The following SCG3 variants were observed in gnomAD, a reference collection of about 807,000 sequenced individuals.
SCG3 encodes secretogranin-3.
SCG3 carries 38 observed loss-of-function variants against 56.2 expected under a neutral mutation model. The observed-to-expected ratio is 0.68, with a 90% CI of 0.52 to 0.89. The LOEUF is 0.89. SCG3 is among the 40% of genes least tolerant of loss of function. The probability of loss-of-function intolerance (pLI) is 0.00; values close to 1 mark genes in which losing one functional copy is unlikely to be tolerated. For synonymous variants in SCG3, 176 were observed against 184.2 expected, an observed-to-expected ratio of 0.96 and a Z score of 0.36; for missense variants, 524 against 540.7, an observed-to-expected ratio of 0.97 and a Z score of 0.31.
intron 4 of SCG3, among the ~76,000 whole-genome samples, chr15:51,687,601 A>T (rs1489102081): frequency 1.3e-5 from 2 of 152,242 alleles, no homozygotes; most frequent in African/African-American, 4.8e-5. Flanking sequence ...GCCATATTTT[A>T]AAAGTTTAAA....
chr15:51,689,483 G>A (rs967372596), intron 6 of SCG3, 115 bp downstream of exon 6: 11 of 1,319,712 alleles, frequency 8.3e-6, no homozygotes, highest in African/African-American at 1.5e-5. Flanking sequence ...AAGATTTGAG[G>A]TATGTGGCAT....
chr15:51,686,192 A>G (rs1171499121), intron 4 of SCG3, among the ~76,000 whole-genome samples: 2 of 152,168 alleles, frequency 1.3e-5, no homozygotes, highest in Non-Finnish European at 2.9e-5. Context: ...ATACCCCTTC[A>G]TGAGCAGGAG....
intron 10 of SCG3, among the ~76,000 whole-genome samples, chr15:51,702,308 G>A (rs1308914516): frequency 6.6e-6 from 1 of 152,002 alleles, no homozygotes; most frequent in Non-Finnish European, 1.5e-5. Context: ...CCAGGCTAGA[G>A]TACAGTGGCA....
At chr15:51,694,629 G>A (rs766937424) in intron 7 of SCG3, among the ~76,000 whole-genome samples, 1 of 152,144 alleles carries the variant, frequency 6.6e-6, no homozygotes, top group Non-Finnish European at 1.5e-5. Flanking sequence ...TTCAAAAATG[G>A]AAACAGATTT....
At position 51,681,842 on chromosome 15, in the gene SCG3, G is replaced by A. The variant is rs1450792833; in HGVS notation, c.82+5G>A. The A allele has an allele frequency of 3.1e-6, 5 of 1,612,392 alleles. No homozygotes were observed. The highest frequency in any genetic ancestry group is 3.4e-6 in the Non-Finnish European group (4 of 1,178,502). On this transcript the variant is annotated splice_donor_5th_base_variant and intron_variant, in intron 1 of 11. Transcript: ENST00000220478. Reference sequence around the variant, plus strand: ...CCAAACCTGGAGGAAGCCAAGGTATGTGAACACTTTTCTTCTTCCTACCTT... The same window carrying A: ...CCAAACCTGGAGGAAGCCAAGGTATATGAACACTTTTCTTCTTCCTACCTT...
chr15:51,691,749 A>G (rs890146766), intron 6 of SCG3, among the ~76,000 whole-genome samples: 1 of 152,168 alleles, frequency 6.6e-6, no homozygotes, highest in Non-Finnish European at 1.5e-5. Flanking sequence ...CTAGGGATAG[A>G]CATTCTAACA....
intron 5 of SCG3, 30 bp downstream of exon 5, chr15:51,688,432 T>C: frequency 1.2e-6 from 2 of 1,606,500 alleles, no homozygotes; most frequent in Admixed American, 1.7e-5. Flanking sequence ...ATAAACCAAA[T>C]TCCTAGTGCA....
rs1219548187 is a variant in SCG3, at chr15:51,704,608, G to A, written c.1207+3364G>A. Among the ~76,000 whole-genome samples the A allele has an allele frequency of 2.7e-5, 4 of 150,896 alleles. No homozygotes were observed. The East Asian group carries it at 7.8e-4, about 29-fold the overall frequency. On this transcript the variant is annotated intron_variant, in intron 10 of 11. Transcript: ENST00000220478. Reference sequence around the variant, plus strand: ...ACCAGCTTACGTAACTTAGCATCATGTCCTCAATGTTCATCCATGTTGTAG... The same window carrying A: ...ACCAGCTTACGTAACTTAGCATCATATCCTCAATGTTCATCCATGTTGTAG...
intron 8 of SCG3, among the ~76,000 whole-genome samples, chr15:51,698,372 A>G (rs1287367887): frequency 6.6e-6 from 1 of 152,192 alleles, no homozygotes; most frequent in Non-Finnish European, 1.5e-5. Flanking sequence ...GTCTAGTAAC[A>G]CTTAATATGA....
chr15:51,693,544 G>A (rs754162562), intron 7 of SCG3: 8 of 152,178 alleles, frequency 5.3e-5, no homozygotes, highest in Non-Finnish European at 1.2e-4. Flanking sequence ...AATCTGCAAG[G>A]AGGATAATAA....
At chr15:51,689,432 TA>T in intron 6 of SCG3, 64 bp downstream of exon 6, 11 of 1,474,224 alleles carry the variant, frequency 7.5e-6, no homozygotes, top group Admixed American at 2.2e-5. Flanking sequence ...TGTGTGTGTG[TA>T]CTTCTATCTG....
chr15:51,692,480 C>T (rs529829473), intron 7 of SCG3, 144 bp downstream of exon 7: 311 of 664,072 alleles, frequency 4.7e-4, no homozygotes, highest in African/African-American at 3.7e-3. Context: ...GGGTTCACAT[C>T]GATTTTTTTT....
intron 10 of SCG3, among the ~76,000 whole-genome samples, chr15:51,705,552 C>T (rs1402784742): frequency 6.6e-6 from 1 of 150,764 alleles, no homozygotes; most frequent in Non-Finnish European, 1.5e-5. Context: ...GACAGAGTCT[C>T]TATCTATCTC....
Position 51,682,574 on chromosome 15 carries a change from G to C in SCG3, c.135+5G>C. On this transcript the variant is annotated splice_donor_5th_base_variant and intron_variant, in intron 2 of 11. Transcript: ENST00000220478. ...GAAAGACCTTTGAATGAACAGGTAG[G>C]TCAAAAGTAACATTATGAATGCTAT... 1.4e-6 allele frequency: 2 copies of C among 1,387,802 alleles called. No individual in the cohort carries two copies. Among genetic ancestry groups the C allele is most frequent in the Non-Finnish European group, 1.9e-6 (2 of 1,027,756 alleles). 86.0% of individuals were successfully genotyped at this position (1,387,802 alleles called of 1,614,324 possible).
At chr15:51,709,862 A>C (rs1408421997) in intron 10 of SCG3, among the ~76,000 whole-genome samples, 1 of 143,660 alleles carries the variant, frequency 7.0e-6, no homozygotes, top group Non-Finnish European at 1.5e-5. Flanking sequence ...CTGGGACTAC[A>C]GGTGCCCACC....
rs1410088869 is a variant in SCG3, at chr15:51,713,395, A to C, written c.1270A>C (p.Lys424Gln). The change falls in exon 11 of 12, where the codon AAA becomes CAA. Residue 424 changes from lysine (K) to glutamine (Q), a missense_variant. Coordinates refer to ENST00000220478, the MANE Select transcript of SCG3 (RefSeq NM_013243.4). Reference sequence around the variant, plus strand: ...TATTGAATGGTTGAAGAAACATGACAAAAAGGGAAATAAAGAAGGTAGGAC... The same window carrying C: ...TATTGAATGGTTGAAGAAACATGACCAAAAGGGAAATAAAGAAGGTAGGAC... ...KNIEWLKKHD[K>Q]KGNKEDYDLS... 4 of 1,601,308 alleles carry C rather than the reference A, an allele frequency of 2.5e-6. No homozygotes were observed. Among genetic ancestry groups the C allele is most frequent in the Non-Finnish European group, 3.4e-6 (4 of 1,174,164 alleles).
chr15:51,700,541 G>A (rs962332883), intron 9 of SCG3, among the ~76,000 whole-genome samples: 2 of 152,162 alleles, frequency 1.3e-5, no homozygotes, highest in East Asian at 1.9e-4. Flanking sequence ...TCTCTTCTTC[G>A]AATTTAGGGT....
chr15:51,683,206 G>T lies in SCG3; in HGVS notation c.182-13G>T. ...CTAAAATGGCTGTGTTGGGTTTGGG[G>T]CTATTCTTCCAGAAAACAAGCCAGG... On this transcript the variant is annotated splice_polypyrimidine_tract_variant and intron_variant, in intron 3 of 11. Transcript: ENST00000220478. 6.2e-7 allele frequency: 1 copy of T among 1,611,056 alleles called. No homozygotes were observed. Among genetic ancestry groups the T allele is most frequent in the Non-Finnish European group, 8.5e-7 (1 of 1,177,960 alleles).
At position 51,719,595 on chromosome 15, in the gene SCG3, T is replaced by G; in HGVS notation, c.*69T>G. 8.8e-7 allele frequency: 1 copy of G among 1,137,524 alleles called. No homozygotes were observed. 70.5% of individuals were successfully genotyped at this position (1,137,524 alleles called of 1,614,324 possible). A position where few individuals can be genotyped will look rare whatever the true frequency, so the allele number is the denominator to read the frequency against. On this transcript the variant is annotated 3_prime_UTR_variant, in exon 12 of 12. Transcript: ENST00000220478. ...ATAATATAGCTTAAAACACTTCTAA[T>G]TCTGTGATTAAAATTTTTTGACCCA...
Sources: gnomAD v4.1 joint callset for allele counts (sites outside exome capture counted in the v4.1 genomes callset) on GRCh38, gnomAD v4.1.1 for gene constraint, MANE v1.5 for transcripts, NCBI Gene and HGNC (gene_info 2026-07-23, HGNC 2026-07-21) for gene names.